The following DTNB variants were observed in gnomAD, a reference collection of about 807,000 sequenced individuals.
DTNB encodes dystrobrevin beta.
A neutral mutation model predicts 90.7 loss-of-function variants in DTNB; 63 were observed. The ratio of observed to expected loss-of-function variants is 0.69; its 90% CI spans 0.57 to 0.86. DTNB has a LOEUF of 0.86. Ranked by LOEUF, DTNB falls within the 40% of genes least tolerant of loss-of-function variation. The pLI is 0.00. For missense variants in DTNB, 744 were observed against 807.1 expected (o/e 0.92, Z 0.95); for synonymous variants, 277 against 286.7 (o/e 0.97, Z 0.34).
At chr2:25,378,141 G>GC (rs2036391870) in intron 20 of DTNB, among the ~76,000 whole-genome samples, 1 of 152,198 alleles carries the variant, frequency 6.6e-6, no homozygotes, top group Non-Finnish European at 1.5e-5. Context: ...AGTTCCTTCT[G>GC]CCCCGGGGAG....
At chr2:25,538,109 A>G (rs2080249831) in intron 8 of DTNB, among the ~76,000 whole-genome samples, 1 of 152,154 alleles carries the variant, frequency 6.6e-6, no homozygotes, top group African/African-American at 2.4e-5. Flanking sequence ...CAGGCTGGGC[A>G]TGGTGGCTCA....
rs543002899 is a variant in DTNB, at chr2:25,636,581, CACACATAT to C, written c.148+2425_148+2432del. ...AGAAATATATTTAAATCATCACATA[CACACATAT>C]ACACACAAACACATACATATATCTA... On this transcript the variant is annotated intron_variant, in intron 3 of 20. Transcript: ENST00000406818. Among the ~76,000 whole-genome samples, 532 of 152,170 alleles carry C rather than the reference CACACATAT, an allele frequency of 3.5e-3. 2 individuals carry two copies. Among genetic ancestry groups the C allele is most frequent in the African/African-American group, 0.012 (493 of 41,522 alleles).
intron 4 of DTNB, among the ~76,000 whole-genome samples, chr2:25,618,945 C>T (rs1368615109): frequency 6.6e-6 from 1 of 152,196 alleles, no homozygotes; most frequent in Non-Finnish European, 1.5e-5. Flanking sequence ...ATGAGTCACC[C>T]TGAATAAACG....
At chr2:25,509,441 C>T (rs183993154) in intron 9 of DTNB, among the ~76,000 whole-genome samples, 1 of 152,280 alleles carries the variant, frequency 6.6e-6, no homozygotes, top group Admixed American at 6.5e-5. Flanking sequence ...TTTACAAATT[C>T]CTTTAGCGAG....
chr2:25,419,279 C>T (rs2048720331), intron 16 of DTNB: 2 of 613,322 alleles, frequency 3.3e-6, no homozygotes, highest in Admixed American at 5.6e-5. Flanking sequence ...CTTCAATGCG[C>T]ACAACAGATG....
chr2:25,482,184 A>G (rs183905141), intron 10 of DTNB, among the ~76,000 whole-genome samples: 2 of 152,298 alleles, frequency 1.3e-5, no homozygotes, highest in African/African-American at 2.4e-5. Flanking sequence ...GCCATTTTAT[A>G]TAGTTCTTTT....
intron 16 of DTNB, among the ~76,000 whole-genome samples, chr2:25,391,878 T>C (rs922448718): frequency 2.0e-5 from 3 of 152,166 alleles, no homozygotes; most frequent in African/African-American, 7.2e-5. Context: ...AACTGAATAA[T>C]AGTGACAGAA....
chr2:25,504,537 C>A (rs2071825523), intron 9 of DTNB, among the ~76,000 whole-genome samples: 3 of 116,824 alleles, frequency 2.6e-5, no homozygotes, highest in African/African-American at 3.4e-5. Flanking sequence ...GAAGGAAAGG[C>A]AAGAAAGAAG....
intron 12 of DTNB, among the ~76,000 whole-genome samples, chr2:25,437,474 C>A (rs192692190): frequency 1.3e-5 from 2 of 152,076 alleles, no homozygotes; most frequent in South Asian, 4.1e-4. Flanking sequence ...GTTGGCTAGG[C>A]TGGTCTCAAA....
chr2:25,550,014 C>T (rs2083268648), intron 8 of DTNB, among the ~76,000 whole-genome samples: 1 of 152,068 alleles, frequency 6.6e-6, no homozygotes, highest in Admixed American at 6.5e-5. Context: ...GAGAATGCTA[C>T]TGTGGTACAC....
intron 18 of DTNB, among the ~76,000 whole-genome samples, chr2:25,384,933 C>T (rs1376904497): frequency 6.6e-6 from 1 of 151,452 alleles, no homozygotes; most frequent in Non-Finnish European, 1.5e-5. Context: ...GGCTGGACTA[C>T]AGCGGCGCGA....
At chr2:25,671,699 C>A (rs2085951509) in intron 1 of DTNB, among the ~76,000 whole-genome samples, 1 of 152,210 alleles carries the variant, frequency 6.6e-6, no homozygotes, top group Non-Finnish European at 1.5e-5. Flanking sequence ...TCTGCCAGCA[C>A]TACCTTGACT....
At chr2:25,520,418 G>A (rs1377392220) in intron 9 of DTNB, among the ~76,000 whole-genome samples, 2 of 152,142 alleles carry the variant, frequency 1.3e-5, no homozygotes, top group African/African-American at 4.8e-5. Context: ...TAAACAGCAA[G>A]GCAATTCACC....
At chr2:25,397,750 C>T (rs1057018515) in intron 16 of DTNB, among the ~76,000 whole-genome samples, 13 of 151,992 alleles carry the variant, frequency 8.6e-5, no homozygotes, top group African/African-American at 2.2e-4. Context: ...CATGGTGGCG[C>T]ATGCCTATAA....
chr2:25,531,323 G>A (rs999685634), intron 9 of DTNB, 150 bp downstream of exon 9: 4 of 1,268,450 alleles, frequency 3.2e-6, no homozygotes, highest in Middle Eastern at 2.9e-4. Flanking sequence ...TTACAGAGAA[G>A]AAAGCTTGAA....
chr2:25,557,579 G>C (rs1412968267), intron 8 of DTNB, among the ~76,000 whole-genome samples: 1 of 152,082 alleles, frequency 6.6e-6, no homozygotes, highest in Non-Finnish European at 1.5e-5. Context: ...AATGTCCAGG[G>C]CCTTTGTTTA....
At chr2:25,579,718 A>G (rs2061264905) in intron 7 of DTNB, among the ~76,000 whole-genome samples, 2 of 151,208 alleles carry the variant, frequency 1.3e-5, no homozygotes, top group African/African-American at 2.4e-5. Context: ...AAAAATGAGG[A>G]AAAAAAAAGG....
intron 18 of DTNB, among the ~76,000 whole-genome samples, chr2:25,384,874 CTTTT>C (rs1573646196): frequency 6.6e-6 from 1 of 151,100 alleles, no homozygotes; most frequent in East Asian, 1.9e-4. Context: ...CAATTTTTTT[CTTTT>C]CTTTTCTTTT....
At chr2:25,419,482 A>T (rs1256714476) in intron 16 of DTNB, 33 bp downstream of exon 16, 24 of 1,557,142 alleles carry the variant, frequency 1.5e-5, no homozygotes, top group Non-Finnish European at 2.0e-5. Flanking sequence ...CAAAGGAGCG[A>T]GAGTCCGGCG....
Sources: gnomAD v4.1 joint callset for allele counts (sites outside exome capture counted in the v4.1 genomes callset) on GRCh38, gnomAD v4.1.1 for gene constraint, MANE v1.5 for transcripts, NCBI Gene and HGNC (gene_info 2026-07-23, HGNC 2026-07-21) for gene names.